Variants in MYO15B observed in about 807,000 individuals in gnomAD.
The protein encoded by MYO15B is myosin XVB.
MYO15B carries 207 observed loss-of-function variants against 119.3 expected under a neutral mutation model. The observed-to-expected ratio is 1.73, with a 90% CI of 1.55 to 1.95. The LOEUF is 1.95. Ranked by LOEUF, MYO15B falls within the 30% of genes most tolerant of loss-of-function variation. The pLI is 0.00. For synonymous variants in MYO15B, 966 were observed against 498.9 expected (o/e 1.94, Z -12.48); for missense variants, 2,264 against 1,203.1 (o/e 1.88, Z -13.04).
chr17:75,615,443 G>A, intron 34 of MYO15B, 60 bp from the exon 35 acceptor site: 2 of 674,148 alleles, frequency 3.0e-6, no homozygotes, highest in South Asian at 1.6e-5. Context: ...TGCACAGTGG[G>A]CAGCGAGCTT....
intron 3 of MYO15B, 51 bp from the exon 4 acceptor site, chr17:75,591,121 C>T (rs2056415541): frequency 1.4e-6 from 1 of 702,108 alleles, no homozygotes; most frequent in Non-Finnish European, 2.6e-6. Context: ...CTCTGCTACA[C>T]CTCGGAGGGT....
exon 33 of MYO15B, chr17:75,615,039 A>G: frequency 1.4e-6 from 1 of 702,746 alleles, no homozygotes; most frequent in South Asian, 1.5e-5. Flanking sequence ...GGGCTACCCC[A>G]TGGGTGAGTG....
intron 9 of MYO15B, among the ~76,000 whole-genome samples, chr17:75,593,381 TG>T (rs1047785793): frequency 1.2e-4 from 18 of 152,036 alleles, no homozygotes; most frequent in African/African-American, 4.3e-4. Context: ...GCAGATCACT[TG>T]AAGTCAGGAG....
intron 55 of MYO15B, 32 bp from the exon 56 acceptor site, chr17:75,624,143 C>T (rs1441074887): frequency 1.4e-6 from 1 of 702,534 alleles, no homozygotes; most frequent in African/African-American, 1.7e-5. Flanking sequence ...GAGACATGGC[C>T]ATCTCATAAC....
exon 41 of MYO15B, chr17:75,617,303 T>C: frequency 1.6e-6 from 1 of 632,396 alleles, no homozygotes. Flanking sequence ...CAGAGCGTCG[T>C]TGTAAGGAAC....
intron 21 of MYO15B, among the ~76,000 whole-genome samples, chr17:75,609,485 ATT>A (rs749247022): frequency 9.0e-4 from 70 of 77,998 alleles, no homozygotes; most frequent in African/African-American, 2.7e-3. Flanking sequence ...AAGGGAAATG[ATT>A]TTTTTTTTTT....
At chr17:75,593,559 G>A (rs2056624772) in intron 9 of MYO15B, among the ~76,000 whole-genome samples, 1 of 150,374 alleles carries the variant, frequency 6.7e-6, no homozygotes. Flanking sequence ...GCAGTGACCT[G>A]AGGTTGCGCC....
Position 75,610,883 on chromosome 17 carries a change from C to A in MYO15B, c.4387-17C>A. The A allele has an allele frequency of 1.4e-6, 1 of 702,922 alleles. No individual in the cohort carries two copies. The highest frequency in any genetic ancestry group is 2.6e-6 in the Non-Finnish European group (1 of 384,908). The allele number at this position is 702,922 out of a possible 1,614,324, so 43.5% of individuals were successfully genotyped here. A position where few individuals can be genotyped will look rare whatever the true frequency, so the allele number is the denominator to read the frequency against. Reference sequence around the variant, plus strand: ...TCACATGGGAGGCATCAGCTCTTCCCACATCTCTTCCAACAGCTTGGGCGT... The same window carrying A: ...TCACATGGGAGGCATCAGCTCTTCCAACATCTCTTCCAACAGCTTGGGCGT... On this transcript the variant is annotated splice_polypyrimidine_tract_variant and intron_variant, in intron 22 of 63. Coordinates refer to ENST00000645453, the Ensembl canonical transcript of MYO15B.
chr17:75,615,844 A>C, exon 36 of MYO15B: 1 of 701,358 alleles, frequency 1.4e-6, no homozygotes, highest in Non-Finnish European at 2.6e-6. Flanking sequence ...CCCCCGGAGA[A>C]GCCACAGCGT....
intron 49 of MYO15B, 91 bp from the exon 50 acceptor site, chr17:75,620,940 G>T: frequency 1.4e-6 from 1 of 702,602 alleles, no homozygotes; most frequent in South Asian, 1.5e-5. Context: ...TTGCTCCTTT[G>T]GTGTCTGGCT....
intron 9 of MYO15B, 72 bp from the exon 10 acceptor site, chr17:75,594,403 C>T: frequency 1.8e-6 from 1 of 567,910 alleles, no homozygotes. Context: ...CAGGCAAAGC[C>T]CGGCCTGCCC....
chr17:75,614,881 C>T (rs970357916), intron 32 of MYO15B, 32 bp downstream of exon 32: 12 of 702,772 alleles, frequency 1.7e-5, no homozygotes, highest in Non-Finnish European at 2.6e-5. Flanking sequence ...AATGCCCCTG[C>T]CCCAACCCCC....
chr17:75,610,023 C>T, intron 21 of MYO15B, 143 bp from the exon 22 acceptor site: 2 of 522,702 alleles, frequency 3.8e-6, no homozygotes, highest in Admixed American at 6.6e-5. Context: ...CTATTCTTTT[C>T]CTGTCGTTTC....
At chr17:75,626,256 G>A (rs1391546290) in intron 63 of MYO15B, 28 bp downstream of exon 63, 3 of 701,432 alleles carry the variant, frequency 4.3e-6, no homozygotes, top group East Asian at 2.7e-5. Flanking sequence ...TGGCCACCTT[G>A]CGAAGGTGGA....
chr17:75,618,855 T>G (rs1479145517), intron 43 of MYO15B, among the ~76,000 whole-genome samples: 1 of 152,314 alleles, frequency 6.6e-6, no homozygotes, highest in East Asian at 1.9e-4. Flanking sequence ...CCGAACAATC[T>G]TGTATCTGGG....
At chr17:75,609,911 G>A (rs1400521382) in intron 21 of MYO15B, among the ~76,000 whole-genome samples, 1 of 152,030 alleles carries the variant, frequency 6.6e-6, no homozygotes, top group Non-Finnish European at 1.5e-5. Flanking sequence ...GGCTGGTCTT[G>A]AACTCCTGAC....
intron 7 of MYO15B, 63 bp from the exon 8 acceptor site, chr17:75,592,365 C>A: frequency 1.4e-6 from 1 of 698,640 alleles, no homozygotes; most frequent in Non-Finnish European, 2.6e-6. Context: ...GAGGGTGTCA[C>A]TGTCGGGGTG....
Position 75,615,772 on chromosome 17 carries a change from C to T in MYO15B, c.5918C>T (p.Ser1973Phe), listed in dbSNP as rs980874257. 4.7e-5 allele frequency: 33 copies of T among 702,206 alleles called. No homozygotes were observed. The East Asian group carries it at 6.4e-4, about 14-fold the overall frequency. The allele number at this position is 702,206 out of a possible 1,614,324, so 43.5% of individuals were successfully genotyped here. A position where few individuals can be genotyped will look rare whatever the true frequency, so the allele number is the denominator to read the frequency against. ...CAGCGGCAGCAGCAGGCTCGGGCCTCCGAGGCTGCGTCCCAGGCCTCACCC... is the reference window on the plus strand; with the variant it reads ...CAGCGGCAGCAGCAGGCTCGGGCCTTCGAGGCTGCGTCCCAGGCCTCACCC... The change falls in exon 36 of 64, where the codon TCC becomes TTC. Residue 1973 changes from serine (S) to phenylalanine (F), a missense_variant. Physicochemically the swap from Ser to Phe is radical, Grantham distance 155. Coordinates refer to ENST00000645453, the Ensembl canonical transcript of MYO15B.
chr17:75,604,373 G>A lies in MYO15B; in HGVS notation c.4016+1061G>A, dbSNP rs181708207. On this transcript the variant is annotated intron_variant, in intron 19 of 63. Transcript: ENST00000645453. ...CCCAGAACCTGCACGGTGCTTGCTTGGTACAGACTAACTACTGAGTGTCCA... is the reference window on the plus strand; with the variant it reads ...CCCAGAACCTGCACGGTGCTTGCTTAGTACAGACTAACTACTGAGTGTCCA... Among the ~76,000 whole-genome samples, 229 of 152,180 alleles carry A rather than the reference G, an allele frequency of 1.5e-3. 2 individuals carry two copies. In the Middle Eastern group the frequency reaches 0.044, roughly 29 times the overall value.
Sources: allele counts gnomAD v4.1 joint callset (sites outside exome capture counted in the v4.1 genomes callset), GRCh38; gene constraint gnomAD v4.1.1; transcripts MANE v1.5; gene names NCBI Gene and HGNC (gene_info 2026-07-23, HGNC 2026-07-21).